The following DLG2 variants were observed in gnomAD, a reference collection of about 807,000 sequenced individuals.
The protein encoded by DLG2 is discs large MAGUK scaffold protein 2.
DLG2 carries 45 observed loss-of-function variants against 132.5 expected under a neutral mutation model. The ratio of observed to expected loss-of-function variants is 0.34; its 90% confidence interval spans 0.27 to 0.44. DLG2 has a LOEUF of 0.44. Among genes scored for constraint, DLG2 ranks in the 20% least tolerant of loss-of-function variants. The pLI, the probability that DLG2 is intolerant of heterozygous loss-of-function variation, is 1.00. For missense variants in DLG2, 1,045 were observed against 1,196.9 expected (o/e 0.87, Z 1.87); for synonymous variants, 424 against 419.6 (o/e 1.01, Z -0.13).
intron 7 of DLG2, among the ~76,000 whole-genome samples, chr11:84,253,214 T>A (rs1395477719): frequency 6.6e-6 from 1 of 151,970 alleles, no homozygotes; most frequent in African/African-American, 2.4e-5. Context: ...GAAAAAGGTA[T>A]GAGGTCTGCA....
At chr11:84,046,072 GA>G (rs1300695259) in intron 11 of DLG2, among the ~76,000 whole-genome samples, 1 of 151,522 alleles carries the variant, frequency 6.6e-6, no homozygotes, top group Non-Finnish European at 1.5e-5. Context: ...ATAAATTGAA[GA>G]CTTGGTCACG....
chr11:85,076,870 GCC>G lies in DLG2; in HGVS notation c.357+34789_357+34790del, dbSNP rs2066610796. Among the ~76,000 whole-genome samples, 5 of 152,044 alleles carry G rather than the reference GCC, an allele frequency of 3.3e-5. No homozygotes were observed. In the East Asian group the frequency reaches 9.7e-4, roughly 30 times the overall value. On this transcript the variant is annotated intron_variant, in intron 6 of 27. Coordinates refer to ENST00000376104, the MANE Select transcript of DLG2 (RefSeq NM_001142699.3). The stretch of plus-strand genomic sequence containing the variant: ...AATATCTGCTGAGCTTTCATTATGT[GCC>G]TGGTACTGCATTTAGCACTGAAGAC...
intron 3 of DLG2, among the ~76,000 whole-genome samples, chr11:85,538,944 T>C (rs575382907): frequency 1.8e-4 from 27 of 151,920 alleles, no homozygotes; most frequent in Admixed American, 1.8e-3. Flanking sequence ...ATGGCACATA[T>C]TTAAATATGT....
intron 9 of DLG2, among the ~76,000 whole-genome samples, chr11:84,148,550 T>C (rs896324677): frequency 4.6e-5 from 7 of 152,130 alleles, no homozygotes; most frequent in Non-Finnish European, 1.0e-4. Flanking sequence ...CCACAAAGGA[T>C]ATGGTTTTTT....
At chr11:85,189,780 C>G (rs2080393087) in intron 4 of DLG2, among the ~76,000 whole-genome samples, 1 of 152,060 alleles carries the variant, frequency 6.6e-6, no homozygotes, top group Non-Finnish European at 1.5e-5. Flanking sequence ...CATAGTTGAA[C>G]ACTACACTCA....
At chr11:85,020,839 TC>T in intron 6 of DLG2, 2 of 745,816 alleles carry the variant, frequency 2.7e-6, no homozygotes, top group Non-Finnish European at 2.5e-6. Context: ...CAGCTGGCCA[TC>T]CCCCAATCTT....
intron 5 of DLG2, among the ~76,000 whole-genome samples, chr11:85,137,910 A>G (rs1460009806): frequency 6.6e-6 from 1 of 152,148 alleles, no homozygotes; most frequent in Non-Finnish European, 1.5e-5. Flanking sequence ...GATCAACTGA[A>G]AAAAGACTGA....
At chr11:84,323,211 C>T (rs1295547316) in intron 7 of DLG2, among the ~76,000 whole-genome samples, 2 of 152,090 alleles carry the variant, frequency 1.3e-5, no homozygotes, top group Non-Finnish European at 2.9e-5. Context: ...TTCCTCCTCC[C>T]CCAGCCCCTA....
At chr11:83,482,341 CAAA>C (rs1254062010) in intron 22 of DLG2, among the ~76,000 whole-genome samples, 1 of 151,380 alleles carries the variant, frequency 6.6e-6, no homozygotes, top group Non-Finnish European at 1.5e-5. Flanking sequence ...AACAACAAAA[CAAA>C]AAAAATTAAA....
chr11:84,918,260 T>A (rs1232182304), intron 6 of DLG2, among the ~76,000 whole-genome samples: 3 of 152,084 alleles, frequency 2.0e-5, no homozygotes, highest in Non-Finnish European at 2.9e-5. Flanking sequence ...ATAAGCAAAA[T>A]TAACTACCAG....
chr11:84,825,327 T>C (rs1181557298), intron 6 of DLG2, among the ~76,000 whole-genome samples: 1 of 151,904 alleles, frequency 6.6e-6, no homozygotes, highest in East Asian at 1.9e-4. Flanking sequence ...TTCACATTCC[T>C]AAGGCCCGAG....
chr11:84,804,828 C>T (rs1476755254), intron 6 of DLG2, among the ~76,000 whole-genome samples: 1 of 152,146 alleles, frequency 6.6e-6, no homozygotes, highest in South Asian at 2.1e-4. Flanking sequence ...AAGGAGGTTC[C>T]CCATCCCCCT....
intron 4 of DLG2, among the ~76,000 whole-genome samples, chr11:85,183,533 A>G (rs1426910112): frequency 6.6e-6 from 1 of 151,856 alleles, no homozygotes; most frequent in Admixed American, 6.6e-5. Flanking sequence ...CAACAAAACC[A>G]TTGCCAGGGG....
chr11:84,716,817 G>A (rs1330009911), intron 6 of DLG2, among the ~76,000 whole-genome samples: 1 of 151,760 alleles, frequency 6.6e-6, no homozygotes, highest in African/African-American at 2.4e-5. Context: ...TGGGACTGTA[G>A]GTGATCTGTA....
At position 84,359,826 on chromosome 11, in the gene DLG2, A is replaced by G. The variant is rs190745824; in HGVS notation, c.520-108535T>C. Among the ~76,000 whole-genome samples the G allele has an allele frequency of 3.2e-3, 485 of 152,056 alleles. 3 individuals carry two copies. The highest frequency in any genetic ancestry group is 4.6e-3 in the Non-Finnish European group (313 of 67,894). ...TATTAATCTATTAAGATAACAGATT[A>G]TCCTATTATGCTTTCTCCACAGTAA... is the stretch of plus-strand genomic sequence containing the variant. On this transcript the variant is annotated intron_variant, in intron 7 of 27. Coordinates refer to ENST00000376104, the MANE Select transcript of DLG2 (RefSeq NM_001142699.3).
At chr11:84,699,828 G>T (rs1316803058) in intron 6 of DLG2, among the ~76,000 whole-genome samples, 3 of 151,602 alleles carry the variant, frequency 2.0e-5, no homozygotes, top group African/African-American at 7.3e-5. Flanking sequence ...CAGAATTCAA[G>T]AAGGCAAACC....
intron 21 of DLG2, among the ~76,000 whole-genome samples, chr11:83,501,202 C>CT (rs66954557): frequency 0.35 from 48,524 of 137,494 alleles, 8,372 homozygotes; most frequent in Middle Eastern, 0.47. Flanking sequence ...TTTTTCTTTT[C>CT]TTTTTTTTTT....
intron 3 of DLG2, among the ~76,000 whole-genome samples, chr11:85,292,360 G>A (rs2078947537): frequency 6.6e-6 from 1 of 151,780 alleles, no homozygotes; most frequent in Non-Finnish European, 1.5e-5. Flanking sequence ...TGTGAGGAAG[G>A]GACTGAAGTT....
intron 7 of DLG2, among the ~76,000 whole-genome samples, chr11:84,454,766 A>G (rs1178452895): frequency 6.6e-6 from 1 of 151,524 alleles, no homozygotes; most frequent in Non-Finnish European, 1.5e-5. Context: ...CCATTTATAT[A>G]AAGTACTGGA....
Sources: allele counts gnomAD v4.1 joint callset (sites outside exome capture counted in the v4.1 genomes callset), GRCh38; gene constraint gnomAD v4.1.1; transcripts MANE v1.5; gene names NCBI Gene and HGNC (gene_info 2026-07-23, HGNC 2026-07-21).